DLD: variants seen among roughly 807,000 people sequenced by gnomAD.
The protein encoded by DLD is dihydrolipoyl dehydrogenase, mitochondrial.
In DLD, 36 loss-of-function variants were observed where a neutral mutation model predicts 62.2. The observed-to-expected ratio is 0.58, with a 90% CI of 0.44 to 0.76. DLD has a LOEUF of 0.76. Among genes scored for constraint, DLD ranks in the 30% least tolerant of loss-of-function variants. DLD has a pLI of 0.00. For synonymous variants in DLD, 204 were observed against 199.6 expected (o/e 1.02, Z -0.19); for missense variants, 541 against 608.6 (o/e 0.89, Z 1.17).
intron 8 of DLD, among the ~76,000 whole-genome samples, chr7:107,911,634 A>T (rs112229139): frequency 9.2e-5 from 14 of 151,670 alleles, no homozygotes; most frequent in East Asian, 3.9e-4. Flanking sequence ...TGGTATTGTC[A>T]TTTTTTTTTA....
intron 8 of DLD, among the ~76,000 whole-genome samples, chr7:107,908,074 G>C (rs2032049986): frequency 6.6e-6 from 1 of 151,614 alleles, no homozygotes; most frequent in Admixed American, 6.6e-5. Flanking sequence ...TTTTACATCT[G>C]CTCTTTGGGC....
In DLD at chr7:107,893,198, A is replaced by G; in HGVS notation, c.40-2A>G. 6.2e-7 allele frequency: 1 copy of G among 1,612,708 alleles called. No individual in the cohort carries two copies. The highest frequency in any genetic ancestry group is 8.5e-7 in the Non-Finnish European group (1 of 1,178,966). On this transcript the variant is annotated splice_acceptor_variant, in intron 1 of 13. Coordinates refer to ENST00000205402, the MANE Select transcript of DLD (RefSeq NM_000108.5). LOFTEE classifies it high-confidence loss of function. ...CATAATAGGGACATTTTCTTTTTCT[A>G]GAGAGGCCATTTCAATCGAATATCT... is the stretch of plus-strand genomic sequence containing the variant.
intron 11 of DLD, among the ~76,000 whole-genome samples, 190 bp downstream of exon 11, chr7:107,917,652 A>T (rs2116272909): frequency 6.6e-6 from 1 of 152,364 alleles, no homozygotes; most frequent in East Asian, 1.9e-4. Flanking sequence ...AATTGAGAGG[A>T]AGAGAAGTTG....
intron 2 of DLD, among the ~76,000 whole-genome samples, chr7:107,899,636 T>G (rs1389014573): frequency 6.6e-6 from 1 of 152,072 alleles, no homozygotes; most frequent in Non-Finnish European, 1.5e-5. Context: ...TGGAGAATTA[T>G]AGCAGTAATA....
Position 107,919,692 on chromosome 7 carries a change from G to C in DLD, c.*433G>C, listed in dbSNP as rs1039757539. On this transcript the variant is annotated 3_prime_UTR_variant, in exon 14 of 14. Coordinates refer to ENST00000205402, the MANE Select transcript of DLD (RefSeq NM_000108.5). ...AATTTGGTTTTCACATTGGAAACAA[G>C]TCAGTCATTCAGATATGATTCAAAT... 1 of 174,860 alleles carries C rather than the reference G, an allele frequency of 5.7e-6. No homozygotes were observed. The highest frequency in any genetic ancestry group is 1.2e-5 in the Non-Finnish European group (1 of 82,298). 10.8% of individuals were successfully genotyped at this position (174,860 alleles called of 1,614,324 possible).
chr7:107,899,525 A>G (rs2031823922), intron 2 of DLD, among the ~76,000 whole-genome samples: 1 of 152,008 alleles, frequency 6.6e-6, no homozygotes, highest in African/African-American at 2.4e-5. Context: ...GACCTACTAT[A>G]AGAATTGTTA....
intron 9 of DLD, 82 bp downstream of exon 9, chr7:107,915,778 A>G (rs1235675827): frequency 7.8e-7 from 1 of 1,288,120 alleles, no homozygotes; most frequent in African/African-American, 1.5e-5. Context: ...AGTTTAGCAA[A>G]TATAGGGTTT....
Position 107,920,280 on chromosome 7 carries a change from G to A in DLD, c.*1021G>A, listed in dbSNP as rs1008220923. 6.6e-6 allele frequency: 1 copy of A among 152,274 alleles called. No homozygotes were observed. The highest frequency in any genetic ancestry group is 1.5e-5 in the Non-Finnish European group (1 of 68,018). 9.4% of individuals were successfully genotyped at this position (152,274 alleles called of 1,614,324 possible). A position where few individuals can be genotyped will look rare whatever the true frequency, so the allele number is the denominator to read the frequency against. On this transcript the variant is annotated 3_prime_UTR_variant, in exon 14 of 14. Coordinates refer to ENST00000205402, the MANE Select transcript of DLD (RefSeq NM_000108.5). ...GGTGTTTAAAATGGCCATGTCCTGA[G>A]GAAACTTAAGTAACAAAGTACTAAA...
At chr7:107,908,281 G>T (rs1236967680) in intron 8 of DLD, among the ~76,000 whole-genome samples, 3 of 151,294 alleles carry the variant, frequency 2.0e-5, no homozygotes, top group African/African-American at 7.3e-5. Flanking sequence ...CTCCCAAGTA[G>T]CTGAGACTAC....
chr7:107,908,678 A>C lies in DLD; in HGVS notation c.684+2310A>C, dbSNP rs185175298. Reference sequence around the variant, plus strand: ...TGAGACCCTGTCTCAAAAAAAAAAAAAAACCCCAAAACAAAAATCAGCTTT... The same window carrying C: ...TGAGACCCTGTCTCAAAAAAAAAAACAAACCCCAAAACAAAAATCAGCTTT... On this transcript the variant is annotated intron_variant, in intron 8 of 13. Transcript: ENST00000205402. Among the ~76,000 whole-genome samples, 6 of 149,176 alleles carry C rather than the reference A, an allele frequency of 4.0e-5. No homozygotes were observed. The East Asian group carries it at 1.2e-3, about 29-fold the overall frequency.
intron 3 of DLD, 134 bp downstream of exon 3, chr7:107,901,951 T>C: frequency 1.4e-6 from 1 of 740,044 alleles, no homozygotes; most frequent in Non-Finnish European, 2.4e-6. Context: ...AGCCTGAGAC[T>C]AATAAAGATT....
At chr7:107,916,639 T>C in intron 9 of DLD, among the ~76,000 whole-genome samples, 155 bp from the exon 10 acceptor site, 1 of 151,988 alleles carries the variant, frequency 6.6e-6, no homozygotes, top group South Asian at 2.1e-4. Flanking sequence ...ACCACTGTAC[T>C]CCAGTCTGGC....
rs114296734 is a variant in DLD at position 107,913,648 on chromosome 7, T to A, written c.685-1858T>A. ...TTTTTTGGTGGAGTCTTTAGGTTTT[T>A]CTAAATATAAGATCATGTAGTCTGC... On this transcript the variant is annotated intron_variant, in intron 8 of 13. Transcript: ENST00000205402. 1.1e-3 allele frequency among the ~76,000 whole-genome samples: 168 copies of A among 152,268 alleles called. 1 individual carries two copies. Among genetic ancestry groups the A allele is most frequent in the African/African-American group, 3.9e-3 (163 of 41,564 alleles).
At chr7:107,900,027 G>C (rs2031837312) in intron 2 of DLD, among the ~76,000 whole-genome samples, 1 of 152,034 alleles carries the variant, frequency 6.6e-6, no homozygotes, top group Non-Finnish European at 1.5e-5. Context: ...ACCGAAATCA[G>C]TGAACCAAGC....
intron 2 of DLD, among the ~76,000 whole-genome samples, chr7:107,895,794 ACT>A (rs1243660989): frequency 1.3e-5 from 2 of 152,124 alleles, no homozygotes; most frequent in African/African-American, 2.4e-5. Context: ...GTTGAGAGTA[ACT>A]CTCGTTACAG....
chr7:107,918,890 T>C, intron 12 of DLD, 120 bp from the exon 13 acceptor site: 1 of 847,110 alleles, frequency 1.2e-6, no homozygotes, highest in Non-Finnish European at 2.0e-6. Flanking sequence ...TTTCTTCAAC[T>C]GATAAAGAAA....
intron 2 of DLD, 77 bp from the exon 3 acceptor site, chr7:107,901,661 T>G (rs1206855146): frequency 3.4e-6 from 4 of 1,186,208 alleles, no homozygotes; most frequent in Non-Finnish European, 5.0e-6. Context: ...TCGGGTTATT[T>G]GTTTGCTCTT....
At chr7:107,916,224 G>C (rs1267881947) in intron 9 of DLD, among the ~76,000 whole-genome samples, 1 of 152,124 alleles carries the variant, frequency 6.6e-6, no homozygotes, top group East Asian at 1.9e-4. Flanking sequence ...GTTGAATTTG[G>C]ATTTCTGTGA....
intron 7 of DLD, 196 bp downstream of exon 7, chr7:107,905,700 A>G (rs1467267661): frequency 1.7e-5 from 10 of 603,546 alleles, no homozygotes; most frequent in Non-Finnish European, 2.9e-5. Flanking sequence ...ATATTAAGAT[A>G]TGTTTGAATA....
Sources: allele counts gnomAD v4.1 joint callset (sites outside exome capture counted in the v4.1 genomes callset), GRCh38; gene constraint gnomAD v4.1.1; transcripts MANE v1.5; gene names NCBI Gene and HGNC (gene_info 2026-07-23, HGNC 2026-07-21).